TMEM132D: variants seen among roughly 807,000 people sequenced by gnomAD.
TMEM132D encodes the protein mature OL transmembrane protein.
Under a neutral mutation model 62.3 loss-of-function variants are expected in TMEM132D, and 21 were observed. The ratio of observed to expected loss-of-function variants is 0.34; its 90% confidence interval spans 0.24 to 0.49. The LOEUF (loss-of-function observed/expected upper bound fraction) is 0.49. Ranked by LOEUF, TMEM132D falls within the 20% of genes least tolerant of loss-of-function variation. The pLI, the probability that TMEM132D is intolerant of heterozygous loss-of-function variation, is 0.99. For synonymous variants in TMEM132D, 621 were observed against 575.6 expected (o/e 1.08, Z -1.13); for missense variants, 1,346 against 1,402.8 (o/e 0.96, Z 0.65).
chr12:129,159,664 G>T lies in TMEM132D; in HGVS notation c.1443+49856C>A, dbSNP rs11060164. On this transcript the variant is annotated intron_variant, in intron 5 of 8. Coordinates refer to ENST00000422113, the MANE Select transcript of TMEM132D (RefSeq NM_133448.3). ...TAATCCCAGCTACTTGGGTGGCTAA[G>T]GCATGAGAATCACTTGAACCTGGGA... 1.1e-4 allele frequency among the ~76,000 whole-genome samples: 16 copies of T among 150,974 alleles called. No individual in the cohort carries two copies. In the South Asian group the frequency reaches 2.7e-3, roughly 26 times the overall value.
intron 5 of TMEM132D, among the ~76,000 whole-genome samples, chr12:129,123,852 C>T (rs1357684331): frequency 6.6e-6 from 1 of 152,184 alleles, no homozygotes; most frequent in Non-Finnish European, 1.5e-5. Context: ...AACAGTGCCC[C>T]TCCTGATTCT....
At chr12:129,682,439 C>A (rs986318597) in intron 2 of TMEM132D, among the ~76,000 whole-genome samples, 3 of 152,158 alleles carry the variant, frequency 2.0e-5, no homozygotes, top group African/African-American at 7.2e-5. Flanking sequence ...TGACTCTGGG[C>A]TCTTCCTCAT....
intron 4 of TMEM132D, among the ~76,000 whole-genome samples, chr12:129,269,334 C>T (rs927747780): frequency 3.6e-5 from 5 of 138,030 alleles, no homozygotes; most frequent in Admixed American, 3.3e-4. Context: ...ATTTTTTGCA[C>T]AGTACTTTTT....
At chr12:129,401,108 T>C (rs1233445599) in intron 3 of TMEM132D, among the ~76,000 whole-genome samples, 1 of 152,190 alleles carries the variant, frequency 6.6e-6, no homozygotes, top group African/African-American at 2.4e-5. Context: ...GGTTTTTGGC[T>C]GCAGAATTAA....
chr12:129,478,944 T>A (rs891769757), intron 3 of TMEM132D, among the ~76,000 whole-genome samples: 2 of 152,240 alleles, frequency 1.3e-5, no homozygotes, highest in African/African-American at 4.8e-5. Context: ...AAAAAAGACC[T>A]ACACATGCAT....
chr12:129,452,658 T>C (rs561012769), intron 3 of TMEM132D, among the ~76,000 whole-genome samples: 1 of 152,036 alleles, frequency 6.6e-6, no homozygotes, highest in African/African-American at 2.4e-5. Context: ...GATCCATGGC[T>C]TCTGGTGAGA....
intron 3 of TMEM132D, among the ~76,000 whole-genome samples, chr12:129,351,919 G>A (rs753627004): frequency 2.0e-5 from 3 of 152,074 alleles, no homozygotes; most frequent in Non-Finnish European, 2.9e-5. Flanking sequence ...AGACACCCTC[G>A]CAGTTAGGCA....
intron 3 of TMEM132D, among the ~76,000 whole-genome samples, chr12:129,380,535 T>G (rs368018263): frequency 1.3e-5 from 2 of 150,020 alleles, no homozygotes; most frequent in East Asian, 2.0e-4. Flanking sequence ...GATCTTAGAT[T>G]TCTCGGTTTT....
At chr12:129,733,262 G>T (rs552397977) in intron 1 of TMEM132D, among the ~76,000 whole-genome samples, 1 of 152,282 alleles carries the variant, frequency 6.6e-6, no homozygotes, top group African/African-American at 2.4e-5. Context: ...TGAGACTGGG[G>T]AGGTCTTGTG....
At chr12:129,406,743 T>C (rs931958561) in intron 3 of TMEM132D, among the ~76,000 whole-genome samples, 15 of 152,206 alleles carry the variant, frequency 9.9e-5, no homozygotes, top group African/African-American at 3.1e-4. Context: ...TCATAGGCTA[T>C]GCCTTGTGTA....
chr12:129,715,516 G>A (rs773024115), intron 1 of TMEM132D, among the ~76,000 whole-genome samples: 45 of 152,292 alleles, frequency 3.0e-4, no homozygotes, highest in Non-Finnish European at 5.7e-4. Context: ...GTAGATAACC[G>A]ATACCAATTC....
Position 129,558,040 on chromosome 12 carries a change from G to A in TMEM132D, c.969-26835C>T, listed in dbSNP as rs536137732. 3.9e-5 allele frequency among the ~76,000 whole-genome samples: 6 copies of A among 152,230 alleles called. 1 individual carries two copies. Among genetic ancestry groups the A allele is most frequent in the African/African-American group, 1.4e-4 (6 of 41,528 alleles). ...TCAGAAATGAGTGCTATCAGGAATG[G>A]GGTTACATAGTCAGGGTGGTGTATA... On this transcript the variant is annotated intron_variant, in intron 2 of 8. Transcript: ENST00000422113.
chr12:129,783,632 T>C (rs912424753), intron 1 of TMEM132D, among the ~76,000 whole-genome samples: 7 of 152,206 alleles, frequency 4.6e-5, no homozygotes, highest in Admixed American at 3.9e-4. Flanking sequence ...CAAGATCTGA[T>C]AGGTGTTTCC....
chr12:129,792,683 T>C (rs1221397254), intron 1 of TMEM132D, among the ~76,000 whole-genome samples: 1 of 152,186 alleles, frequency 6.6e-6, no homozygotes, highest in Non-Finnish European at 1.5e-5. Flanking sequence ...AGTGGTTCTT[T>C]CCTTGAGAGC....
chr12:129,881,859 A>G (rs1012750777), intron 1 of TMEM132D, among the ~76,000 whole-genome samples: 3 of 151,982 alleles, frequency 2.0e-5, no homozygotes, highest in African/African-American at 7.2e-5. Context: ...GAGTTAACAG[A>G]TAAAATTCAT....
chr12:129,382,802 A>G (rs990001392), intron 3 of TMEM132D, among the ~76,000 whole-genome samples: 1 of 152,182 alleles, frequency 6.6e-6, no homozygotes, highest in African/African-American at 2.4e-5. Flanking sequence ...ACTGAGAGCC[A>G]TATACCCAAA....
chr12:129,388,090 C>T (rs1242023044), intron 3 of TMEM132D, among the ~76,000 whole-genome samples: 4 of 132,708 alleles, frequency 3.0e-5, no homozygotes, highest in Admixed American at 1.5e-4. Context: ...CTAACAGCAA[C>T]ACCAATACTA....
chr12:129,510,351 A>G (rs1359953892), intron 3 of TMEM132D, among the ~76,000 whole-genome samples: 1 of 151,994 alleles, frequency 6.6e-6, no homozygotes, highest in Non-Finnish European at 1.5e-5. Context: ...CTCCTTATAT[A>G]TTCTGGTTAT....
intron 1 of TMEM132D, among the ~76,000 whole-genome samples, chr12:129,831,997 G>A (rs1248391976): frequency 1.4e-5 from 2 of 143,756 alleles, no homozygotes; most frequent in African/African-American, 2.6e-5. Flanking sequence ...AGCCTCCCGA[G>A]TAGCTGGGAC....
Sources: allele counts gnomAD v4.1 joint callset (sites outside exome capture counted in the v4.1 genomes callset), GRCh38; gene constraint gnomAD v4.1.1; transcripts MANE v1.5; gene names NCBI Gene and HGNC (gene_info 2026-07-23, HGNC 2026-07-21).